The following AANAT variants were observed in gnomAD, a reference collection of about 807,000 sequenced individuals.
AANAT encodes aralkylamine N-acetyltransferase.
A neutral mutation model predicts 15.6 loss-of-function variants in AANAT; 11 were observed. That is an observed-to-expected ratio of 0.71 (90% CI 0.44 to 1.17). AANAT has a LOEUF of 1.17. AANAT is among the 50% of genes most tolerant of loss of function. The pLI, the probability that AANAT is intolerant of heterozygous loss-of-function variation, is 0.00. For synonymous variants in AANAT, 139 were observed against 131.5 expected (o/e 1.06, Z -0.39); for missense variants, 286 against 296.3 (o/e 0.97, Z 0.26).
Position 76,468,821 on chromosome 17 carries a change from C to A in AANAT, c.75C>A (p.Ser25Arg), listed in dbSNP as rs1255295377. Residue 25 changes from serine to arginine, a missense_variant, in exon 2 of 4, where the codon AGC (serine) becomes AGA (arginine). Transcript: ENST00000392492. ...CACCTGGGATCCCCGAGTCCCCGAG[C>A]TGTCAGCGGCGCCACACACTCCCTG... Reference protein sequence around the residue: ...RLPPGIPESPSCQRRHTLPAS... With the variant: ...RLPPGIPESPRCQRRHTLPAS... The A allele has an allele frequency of 6.2e-7, 1 of 1,613,442 alleles. No individual in the cohort carries two copies. The highest frequency in any genetic ancestry group is 8.5e-7 in the Non-Finnish European group (1 of 1,180,010).
rs1286006707 is a variant in AANAT, at chr17:76,470,060, G to C, written c.*90G>C. ...CTGAGCATGGAGACAGCAGTTTCCA[G>C]AGAGTGGAGAGAGCAGGGCTAAATA... On this transcript the variant is annotated 3_prime_UTR_variant, in exon 4 of 4. Coordinates refer to ENST00000392492, the MANE Select transcript of AANAT (RefSeq NM_001088.3). 7.7e-7 allele frequency: 1 copy of C among 1,302,052 alleles called. No homozygotes were observed. Among genetic ancestry groups the C allele is most frequent in the Admixed American group, 3.1e-5 (1 of 32,334 alleles). The allele number at this position is 1,302,052 out of a possible 1,614,324, so 80.7% of individuals were successfully genotyped here.
chr17:76,453,438 T>G, exon 1 of AANAT: 14 of 233,398 alleles, frequency 6.0e-5, no homozygotes, highest in Non-Finnish European at 8.1e-5. Context: ...GGAAGTGGAG[T>G]GGCCACCGAG....
upstream of AANAT, among the ~76,000 whole-genome samples, chr17:76,467,386 C>T (rs912045957): frequency 4.3e-4 from 65 of 152,204 alleles, no homozygotes; most frequent in African/African-American, 1.5e-3. Flanking sequence ...AGAGATGGAC[C>T]CCTGAGGCTT....
rs1227077375 is a variant in AANAT, at chr17:76,468,867, AC to A, written c.125del (p.Pro42ArgfsTer33). 1 of 1,613,462 alleles carries A rather than the reference AC, an allele frequency of 6.2e-7. No homozygotes were observed. Among genetic ancestry groups the A allele is most frequent in the African/African-American group, 1.3e-5 (1 of 74,968 alleles). ...TLPASEFRCL[T>X]PEDAVSAFEI... ...CCCTGCCAGTGAGTTTCGCTGCCTC[AC>A]CCCGGAGGACGCTGTCAGCGCCTTT... On this transcript the variant is annotated frameshift_variant, in exon 2 of 4. Transcript: ENST00000392492. LOFTEE classifies it high-confidence loss of function.
At chr17:76,456,248 T>C (rs1432196406) in intron 1 of AANAT, among the ~76,000 whole-genome samples, 1 of 151,432 alleles carries the variant, frequency 6.6e-6, no homozygotes, top group East Asian at 1.9e-4. Flanking sequence ...GGAGAATCAC[T>C]TGAACCCGGG....
chr17:76,457,138 G>T (rs933330791), intron 1 of AANAT, among the ~76,000 whole-genome samples: 2 of 152,154 alleles, frequency 1.3e-5, no homozygotes, highest in African/African-American at 4.8e-5. Context: ...CGTCTCCCAG[G>T]TTCCAGCGAT....
At chr17:76,455,842 C>T (rs932048407) in intron 1 of AANAT, among the ~76,000 whole-genome samples, 8 of 151,962 alleles carry the variant, frequency 5.3e-5, no homozygotes, top group Non-Finnish European at 2.9e-5. Flanking sequence ...GGTGAAACCC[C>T]GTCTCTGCTA....
upstream of AANAT, chr17:76,467,471 G>A (rs1282500440): frequency 2.2e-6 from 2 of 891,070 alleles, 1 homozygote; most frequent in South Asian, 1.0e-4. Flanking sequence ...CAGGGCACCA[G>A]AGCTGACGTT....
intron 1 of AANAT, among the ~76,000 whole-genome samples, chr17:76,457,748 G>A (rs139970213): frequency 8.5e-5 from 13 of 152,306 alleles, no homozygotes; most frequent in South Asian, 2.1e-4. Context: ...ATAATGTGTC[G>A]TATTAGGCTA....
At chr17:76,466,673 A>C (rs528202331), upstream of AANAT, among the ~76,000 whole-genome samples, 1 of 152,274 alleles carries the variant, frequency 6.6e-6, no homozygotes, top group African/African-American at 2.4e-5. Flanking sequence ...GGCTCTGAGC[A>C]GGTTACTGAA....
upstream of AANAT, among the ~76,000 whole-genome samples, chr17:76,462,679 C>T (rs528937506): frequency 5.4e-4 from 82 of 152,252 alleles, no homozygotes; most frequent in African/African-American, 1.9e-3. Context: ...GAGCCTGCCA[C>T]GTGGTAGTAC....
chr17:76,460,185 G>C (rs890980935), intron 2 of AANAT, among the ~76,000 whole-genome samples: 1 of 119,394 alleles, frequency 8.4e-6, no homozygotes, highest in African/African-American at 3.5e-5. Flanking sequence ...GTCTCTCTCT[G>C]TTGCTCAGGC....
In AANAT at chr17:76,469,581, C is replaced by T. The variant is rs1410215398; in HGVS notation, c.319-84C>T. 2.1e-6 allele frequency: 3 copies of T among 1,399,348 alleles called. No individual in the cohort carries two copies. The African/African-American group carries it at 4.4e-5, about 20-fold the overall frequency. The allele number at this position is 1,399,348 out of a possible 1,614,324, so 86.7% of individuals were successfully genotyped here. Reference sequence around the variant, plus strand: ...CCTGACCACAGGCACCCAGGGGACACCTGCTCCCTGCCTGGGTTGGTGGTT... The same window carrying T: ...CCTGACCACAGGCACCCAGGGGACATCTGCTCCCTGCCTGGGTTGGTGGTT... On this transcript the variant is annotated intron_variant, in intron 3 of 3. Coordinates refer to ENST00000392492, the MANE Select transcript of AANAT (RefSeq NM_001088.3). The surrounding 1 kb of genome is among the most constrained non-coding windows in gnomAD (Gnocchi z 5.2).
upstream of AANAT, chr17:76,466,163 A>C: frequency 6.5e-7 from 1 of 1,536,798 alleles, no homozygotes; most frequent in Non-Finnish European, 8.7e-7. Context: ...ATTGGCCACC[A>C]GGGGGTGCCA....
At chr17:76,465,707 G>A (rs903484549), upstream of AANAT, among the ~76,000 whole-genome samples, 1 of 151,846 alleles carries the variant, frequency 6.6e-6, no homozygotes, top group Non-Finnish European at 1.5e-5. Context: ...CCTTCTCATT[G>A]GTGGTGGTAT....
Position 76,469,592 on chromosome 17 carries a change from C to T in AANAT, c.319-73C>T. ...GCACCCAGGGGACACCTGCTCCCTG[C>T]CTGGGTTGGTGGTTGGGGGGGAGCA... On this transcript the variant is annotated intron_variant, in intron 3 of 3. Coordinates refer to ENST00000392492, the MANE Select transcript of AANAT (RefSeq NM_001088.3). The surrounding 1 kb of genome is among the most constrained non-coding windows in gnomAD (Gnocchi z 5.2). 10 of 1,415,010 alleles carry T rather than the reference C, an allele frequency of 7.1e-6. No individual in the cohort carries two copies. The highest frequency in any genetic ancestry group is 9.2e-6 in the Non-Finnish European group (10 of 1,081,994). The allele number at this position is 1,415,010 out of a possible 1,614,324, so 87.7% of individuals were successfully genotyped here. A position where few individuals can be genotyped will look rare whatever the true frequency, so the allele number is the denominator to read the frequency against.
At position 76,470,048 on chromosome 17, in the gene AANAT, C is replaced by T. The variant is rs150718746; in HGVS notation, c.*78C>T. 42 of 1,361,446 alleles carry T rather than the reference C, an allele frequency of 3.1e-5. No individual in the cohort carries two copies. The African/African-American group carries it at 5.3e-4, about 17-fold the overall frequency. The allele number at this position is 1,361,446 out of a possible 1,614,324, so 84.3% of individuals were successfully genotyped here. On this transcript the variant is annotated 3_prime_UTR_variant, in exon 4 of 4. Coordinates refer to ENST00000392492, the MANE Select transcript of AANAT (RefSeq NM_001088.3). ...CTCTTAGCTCAGCTGAGCATGGAGA[C>T]AGCAGTTTCCAGAGAGTGGAGAGAG...
At chr17:76,467,435 C>A, upstream of AANAT, 1 of 627,588 alleles carries the variant, frequency 1.6e-6, no homozygotes, top group Non-Finnish European at 2.0e-6. Flanking sequence ...GGGCCTCAGT[C>A]AGCCTCTGGT....
chr17:76,466,152 GA>G (rs58453332), upstream of AANAT: 20,731 of 1,536,114 alleles, frequency 0.013, 215 homozygotes, highest in African/African-American at 0.048. Context: ...GACTGATTAG[GA>G]TTGGCCACCA....
Sources: gnomAD v4.1 joint callset for allele counts (sites outside exome capture counted in the v4.1 genomes callset) on GRCh38, gnomAD v4.1.1 for gene constraint, Gnocchi (gnomAD v3.1) non-coding constraint, MANE v1.5 for transcripts, NCBI Gene and HGNC (gene_info 2026-07-23, HGNC 2026-07-21) for gene names.